The following LYRM4 variants were observed in gnomAD, a reference collection of about 807,000 sequenced individuals.
LYRM4 encodes the protein LYR motif-containing protein 4.
A neutral mutation model predicts 11.7 loss-of-function variants in LYRM4; 9 were observed. The ratio of observed to expected loss-of-function variants is 0.77; its 90% CI spans 0.46 to 1.34. LYRM4 has a LOEUF of 1.34. LYRM4 is among the 40% of genes most tolerant of loss of function. The probability of loss-of-function intolerance (pLI) is 0.00; values close to 1 mark genes in which losing one functional copy is unlikely to be tolerated. For missense variants in LYRM4, 133 were observed against 112.5 expected, an observed-to-expected ratio of 1.18 and a Z score of -0.82; for synonymous variants, 42 against 40.4, an observed-to-expected ratio of 1.04 and a Z score of -0.15.
intron 1 of LYRM4, among the ~76,000 whole-genome samples, chr6:5,249,699 T>C (rs1764347093): frequency 6.6e-6 from 1 of 152,228 alleles, no homozygotes; most frequent in Non-Finnish European, 1.5e-5. Flanking sequence ...TGAACTTTGC[T>C]AAATCTAGAA....
chr6:5,252,060 G>A (rs1764456085), intron 1 of LYRM4, among the ~76,000 whole-genome samples: 1 of 152,186 alleles, frequency 6.6e-6, no homozygotes, highest in African/African-American at 2.4e-5. Flanking sequence ...CATAGTAAGC[G>A]AGACCTGACG....
chr6:5,076,373 G>C, the LYRM4 span, among the ~76,000 whole-genome samples: 1 of 152,210 alleles, frequency 6.6e-6, no homozygotes, highest in Non-Finnish European at 1.5e-5. Flanking sequence ...TAGCCAGGCT[G>C]TAGAGTTAGA....
At chr6:5,153,975 G>A (rs1758238897) in intron 2 of LYRM4, among the ~76,000 whole-genome samples, 1 of 152,088 alleles carries the variant, frequency 6.6e-6, no homozygotes, top group Non-Finnish European at 1.5e-5. Context: ...ATTGTAAATT[G>A]CTGGCTCTTC....
At chr6:5,057,701 C>T in the LYRM4 span, among the ~76,000 whole-genome samples, 3 of 147,526 alleles carry the variant, frequency 2.0e-5, no homozygotes, top group Admixed American at 6.8e-5. Context: ...GGCGACAGAG[C>T]GAGACTCCAT....
At chr6:5,074,217 A>G in the LYRM4 span, among the ~76,000 whole-genome samples, 5 of 152,308 alleles carry the variant, frequency 3.3e-5, no homozygotes, top group Middle Eastern at 6.8e-3. Context: ...CTATGTAAAT[A>G]CATAGAAAAG....
At chr6:5,120,544 G>C (rs546916544) in intron 2 of LYRM4, among the ~76,000 whole-genome samples, 1 of 152,228 alleles carries the variant, frequency 6.6e-6, no homozygotes, top group African/African-American at 2.4e-5. Context: ...TCTCCACAGC[G>C]TGGAAGGGGA....
intron 2 of LYRM4, among the ~76,000 whole-genome samples, chr6:5,120,216 G>A (rs1191552221): frequency 6.6e-6 from 1 of 152,186 alleles, no homozygotes. Flanking sequence ...TATTTGAATG[G>A]ATCTCAAAGA....
chr6:5,037,847 GC>G, the LYRM4 span, among the ~76,000 whole-genome samples: 573 of 50,312 alleles, frequency 0.011, 49 homozygotes, highest in African/African-American at 0.03. Flanking sequence ...GGACGGGGCG[GC>G]TGGCCGGGCA....
chr6:5,136,558 G>A, intron 2 of LYRM4: 2 of 966,120 alleles, frequency 2.1e-6, no homozygotes, highest in Non-Finnish European at 2.5e-6. Context: ...AAGTTAGATG[G>A]TATTTATAAT....
intron 2 of LYRM4, chr6:5,186,622 G>A (rs911922796): frequency 6.8e-5 from 67 of 980,560 alleles, no homozygotes; most frequent in Non-Finnish European, 8.0e-5. Context: ...AATTTTTATT[G>A]TCTTGGAGTG....
At chr6:5,188,888 C>G (rs888126956) in intron 2 of LYRM4, among the ~76,000 whole-genome samples, 1 of 152,204 alleles carries the variant, frequency 6.6e-6, no homozygotes, top group African/African-American at 2.4e-5. Flanking sequence ...CTCAGCCTCG[C>G]AAGTAGCTGG....
At chr6:5,144,094 G>A (rs1405316294) in intron 2 of LYRM4, 1 of 1,516,146 alleles carries the variant, frequency 6.6e-7, no homozygotes, top group Non-Finnish European at 8.8e-7. Context: ...TTAGAGAGGT[G>A]AGAGCGATCT....
chr6:5,132,579 T>C (rs1172949677), intron 2 of LYRM4: 1 of 152,160 alleles, frequency 6.6e-6, no homozygotes, highest in Non-Finnish European at 1.5e-5. Flanking sequence ...GATTTCCAAG[T>C]TTAATTTGTA....
At position 5,111,283 on chromosome 6, in the gene LYRM4, C is replaced by T. The variant is rs534539658; in HGVS notation, c.208-1792G>A. 3.0e-3 allele frequency among the ~76,000 whole-genome samples: 463 copies of T among 152,266 alleles called. 2 individuals are homozygous for T. Among genetic ancestry groups the T allele is most frequent in the African/African-American group, 0.011 (438 of 41,558 alleles). ...TAATACAAACAGTTTTGTATAACAG[C>T]TGGGATGGTTCAGCTACCTGGGAGC... On this transcript the variant is annotated intron_variant, in intron 2 of 2. Transcript: ENST00000330636.
At chr6:5,069,481 T>C in the LYRM4 span, among the ~76,000 whole-genome samples, 2 of 149,426 alleles carry the variant, frequency 1.3e-5, no homozygotes, top group African/African-American at 4.9e-5. Flanking sequence ...TATATATATA[T>C]ATTTTTTTGT....
chr6:5,128,522 G>A (rs1561815164), intron 2 of LYRM4, among the ~76,000 whole-genome samples: 1 of 152,186 alleles, frequency 6.6e-6, no homozygotes, highest in East Asian at 1.9e-4. Flanking sequence ...AGATAAAAAG[G>A]AGCCACCTTT....
At chr6:5,238,338 G>A (rs1422700223) in intron 1 of LYRM4, among the ~76,000 whole-genome samples, 1 of 152,144 alleles carries the variant, frequency 6.6e-6, no homozygotes. Context: ...GGCAGTCCAA[G>A]TAAATTTAAT....
the LYRM4 span, among the ~76,000 whole-genome samples, chr6:5,095,994 C>CA: frequency 1.5e-3 from 228 of 152,054 alleles, no homozygotes; most frequent in African/African-American, 5.1e-3. Flanking sequence ...AAACAAAAAA[C>CA]AAAAAACAAA....
the LYRM4 span, chr6:5,043,559 C>T: frequency 2.0e-5 from 3 of 152,092 alleles, no homozygotes; most frequent in Non-Finnish European, 2.9e-5. Context: ...ATGTTTCTGG[C>T]GTCTATAAAG....
Sources: allele counts gnomAD v4.1 joint callset (sites outside exome capture counted in the v4.1 genomes callset), GRCh38; gene constraint gnomAD v4.1.1; transcripts MANE v1.5; gene names NCBI Gene and HGNC (gene_info 2026-07-23, HGNC 2026-07-21).